PHACTR2: variants seen among roughly 807,000 people sequenced by gnomAD.
The protein encoded by PHACTR2 is phosphatase and actin regulator 2.
A neutral mutation model predicts 76.0 loss-of-function variants in PHACTR2; 30 were observed. That is an observed-to-expected ratio of 0.39 (90% CI 0.30 to 0.54). PHACTR2 has a LOEUF of 0.54. PHACTR2 is among the 20% of genes least tolerant of loss of function. The pLI, the probability that PHACTR2 is intolerant of heterozygous loss-of-function variation, is 0.61. For synonymous variants in PHACTR2, 292 were observed against 292.5 expected, an observed-to-expected ratio of 1.00 and a Z score of 0.02; for missense variants, 696 against 781.1, an observed-to-expected ratio of 0.89 and a Z score of 1.30.
In PHACTR2 at chr6:143,548,492, A is replaced by G. The variant is rs985987206; in HGVS notation, c.217+11285A>G. Among the ~76,000 whole-genome samples, 2 of 151,904 alleles carry G rather than the reference A, an allele frequency of 1.3e-5. No individual in the cohort carries two copies. The highest frequency in any genetic ancestry group is 2.1e-4 in the South Asian group (1 of 4,816). On this transcript the variant is annotated intron_variant, in intron 1 of 11. Transcript: ENST00000367584. The surrounding 1 kb of genome is among the most constrained non-coding windows in gnomAD (Gnocchi z 4.5). The stretch of plus-strand genomic sequence containing the variant: ...TTCTCCTCAGATTTCCCCTATTTAC[A>G]TGTCTTCTGTTAAAGCTAGCAGAGA...
rs1778188405 is a variant in PHACTR2 at position 143,712,056 on chromosome 6, C to G, written c.87C>G (p.Gly29=). 1.9e-6 allele frequency: 3 copies of G among 1,596,208 alleles called. No individual in the cohort carries two copies. ...LDKASIANSD[G]PTAGSQTPPF... is the part of the protein sequence containing the mutation. ...AAGCTTCTATAGCAAACTCAGATGGCCCCACAGCAGGTTCCCAAACACCTC... is the reference window on the plus strand; with the variant it reads ...AAGCTTCTATAGCAAACTCAGATGGGCCCACAGCAGGTTCCCAAACACCTC... Residue 29 remains glycine, a synonymous_variant, in exon 2 of 13, where the codon GGC becomes GGG. Coordinates refer to ENST00000440869, the MANE Select transcript of PHACTR2 (RefSeq NM_001100164.2).
Position 143,623,455 on chromosome 6 carries a change from G to T in PHACTR2, c.13+15133G>T, listed in dbSNP as rs1776197009. Among the ~76,000 whole-genome samples the T allele has an allele frequency of 6.6e-6, 1 of 152,084 alleles. No homozygotes were observed. Among genetic ancestry groups the T allele is most frequent in the African/African-American group, 2.4e-5 (1 of 41,402 alleles). On this transcript the variant is annotated intron_variant, in intron 1 of 11. Transcript: ENST00000305766. This position sits in a 1 kb window ranked among gnomAD's most constrained non-coding sequence, Gnocchi z 5.9. ...CCGGGCATGGTGGTGCATGCCTGTAGTCCCAGCTACGTGGGAGGCTGAGGC... is the reference window on the plus strand; with the variant it reads ...CCGGGCATGGTGGTGCATGCCTGTATTCCCAGCTACGTGGGAGGCTGAGGC...
In PHACTR2 at chr6:143,822,445, G is replaced by T. The variant is rs1044012462; in HGVS notation, c.1923-1229G>T. ...TGTGGAAGGCAAAGGTGGGCAAATCGCTTGAGACCAGGAGTTCAAGACCAG... is the reference window on the plus strand; with the variant it reads ...TGTGGAAGGCAAAGGTGGGCAAATCTCTTGAGACCAGGAGTTCAAGACCAG... On this transcript the variant is annotated intron_variant, in intron 12 of 12. Coordinates refer to ENST00000440869, the MANE Select transcript of PHACTR2 (RefSeq NM_001100164.2). The surrounding 1 kb of genome is among the most constrained non-coding windows in gnomAD (Gnocchi z 5.5). Among the ~76,000 whole-genome samples, 1 of 152,114 alleles carries T rather than the reference G, an allele frequency of 6.6e-6. No homozygotes were observed. The highest frequency in any genetic ancestry group is 2.4e-5 in the African/African-American group (1 of 41,434).
rs949432600 is a variant in PHACTR2, at chr6:143,664,664, A to C, written c.14-47352A>C. Reference sequence around the variant, plus strand: ...TCAGGACTTTAACATACATGTTAAAACTTCACTACTTCCTCATTTGCAGAG... The same window carrying C: ...TCAGGACTTTAACATACATGTTAAACCTTCACTACTTCCTCATTTGCAGAG... On this transcript the variant is annotated intron_variant, in intron 1 of 11. Coordinates refer to the PHACTR2 transcript ENST00000305766. The surrounding 1 kb of genome is among the most constrained non-coding windows in gnomAD (Gnocchi z 5.1). Among the ~76,000 whole-genome samples, 2 of 152,178 alleles carry C rather than the reference A, an allele frequency of 1.3e-5. No homozygotes were observed. The highest frequency in any genetic ancestry group is 2.9e-5 in the Non-Finnish European group (2 of 68,018).
chr6:143,680,091 TCCGTTAGAGCTAC>T lies in PHACTR2; in HGVS notation c.46+1885_46+1897del, dbSNP rs1777355095. ...TCTCGTGGTATCCAGTGTCTCTAAATCCGTTAGAGCTACCCTGTTTCCCTGAAGGTTTGCCATC... is the reference window on the plus strand; with the variant it reads ...TCTCGTGGTATCCAGTGTCTCTAAATCCTGTTTCCCTGAAGGTTTGCCATC... On this transcript the variant is annotated intron_variant, in intron 1 of 12. Coordinates refer to ENST00000440869, the MANE Select transcript of PHACTR2 (RefSeq NM_001100164.2). The surrounding 1 kb of genome is among the most constrained non-coding windows in gnomAD (Gnocchi z 4.5). Among the ~76,000 whole-genome samples, 1 of 151,852 alleles carries T rather than the reference TCCGTTAGAGCTAC, an allele frequency of 6.6e-6. No individual in the cohort carries two copies. Among genetic ancestry groups the T allele is most frequent in the South Asian group, 2.1e-4 (1 of 4,830 alleles).
chr6:143,781,663 T>G (rs1367606219), intron 9 of PHACTR2, among the ~76,000 whole-genome samples: 1 of 152,240 alleles, frequency 6.6e-6, no homozygotes, highest in Non-Finnish European at 1.5e-5. Flanking sequence ...TTGTTTATTA[T>G]GTATTTTGAC....
Position 143,547,354 on chromosome 6 carries a change from G to C in PHACTR2, c.217+10147G>C, listed in dbSNP as rs75003552. On this transcript the variant is annotated intron_variant, in intron 1 of 11. Coordinates refer to the PHACTR2 transcript ENST00000367584. The surrounding 1 kb of genome is among the most constrained non-coding windows in gnomAD (Gnocchi z 4.2). ...GGCAGTAACAGTGGCCACATAGTAGGAATACATTTATTGTCTCCCAGCATG... is the reference window on the plus strand; with the variant it reads ...GGCAGTAACAGTGGCCACATAGTAGCAATACATTTATTGTCTCCCAGCATG... 0.081 allele frequency among the ~76,000 whole-genome samples: 12,262 copies of C among 152,262 alleles called. 681 individuals carry two copies. Among genetic ancestry groups the C allele is most frequent in the Non-Finnish European group, 0.12 (8,262 of 68,010 alleles).
chr6:143,794,218 T>A lies in PHACTR2; in HGVS notation c.1845+5308T>A, dbSNP rs62427431. Among the ~76,000 whole-genome samples, 44,099 of 151,458 alleles carry A rather than the reference T, an allele frequency of 0.29. 6,398 individuals carry two copies. The highest frequency in any genetic ancestry group is 0.34 in the Admixed American group (5,223 of 15,230). Reference sequence around the variant, plus strand: ...TGCCCAAAGATCCTAAGACTATCAATGGTCTTAGTGTATATTTTATTTTAG... The same window carrying A: ...TGCCCAAAGATCCTAAGACTATCAAAGGTCTTAGTGTATATTTTATTTTAG... On this transcript the variant is annotated intron_variant, in intron 11 of 12. Transcript: ENST00000440869. The surrounding 1 kb of genome is among the most constrained non-coding windows in gnomAD (Gnocchi z 4.1).
rs562412933 is a variant in PHACTR2 at position 143,616,296 on chromosome 6, G to A, written c.13+7974G>A. 6.6e-6 allele frequency among the ~76,000 whole-genome samples: 1 copy of A among 152,120 alleles called. No homozygotes were observed. Among genetic ancestry groups the A allele is most frequent in the Non-Finnish European group, 1.5e-5 (1 of 68,024 alleles). On this transcript the variant is annotated intron_variant, in intron 1 of 11. Transcript: ENST00000305766. The surrounding 1 kb of genome is among the most constrained non-coding windows in gnomAD (Gnocchi z 4.9). ...AATCATAATTTCCTTTCTTAGACCT[G>A]AATCATTCAGTCCTGGCACAGCATT...
intron 6 of PHACTR2, among the ~76,000 whole-genome samples, chr6:143,769,139 G>A (rs1775033101): frequency 6.6e-6 from 1 of 152,170 alleles, no homozygotes. Flanking sequence ...AAGTGGCTAT[G>A]TATAAAAATA....
At position 143,633,453 on chromosome 6, in the gene PHACTR2, G is replaced by A. The variant is rs544983753; in HGVS notation, c.13+25131G>A. 3.3e-5 allele frequency among the ~76,000 whole-genome samples: 5 copies of A among 152,266 alleles called. No homozygotes were observed. The highest frequency in any genetic ancestry group is 1.2e-4 in the African/African-American group (5 of 41,560). On this transcript the variant is annotated intron_variant, in intron 1 of 11. Coordinates refer to the PHACTR2 transcript ENST00000305766. This position sits in a 1 kb window ranked among gnomAD's most constrained non-coding sequence, Gnocchi z 4.1. Reference sequence around the variant, plus strand: ...TTTTTAGTGAGGACCTCTTTAGAGAGACCTTCTGTTCAGGTCTTTTGTCCA... The same window carrying A: ...TTTTTAGTGAGGACCTCTTTAGAGAAACCTTCTGTTCAGGTCTTTTGTCCA...
In PHACTR2 at chr6:143,775,522, A is replaced by G. The variant is rs1021333745; in HGVS notation, c.1589+1307A>G. Among the ~76,000 whole-genome samples the G allele has an allele frequency of 3.9e-5, 6 of 152,146 alleles. No homozygotes were observed. The highest frequency in any genetic ancestry group is 8.8e-5 in the Non-Finnish European group (6 of 68,004). ...TCTGAGGCCCAGAGAGATTAAGGAA[A>G]TGTCTCAAGGACAGACATGCAGTTA... On this transcript the variant is annotated intron_variant, in intron 8 of 12. Transcript: ENST00000440869. The surrounding 1 kb of genome is among the most constrained non-coding windows in gnomAD (Gnocchi z 4.4).
chr6:143,780,366 C>G lies in PHACTR2; in HGVS notation c.1646-2853C>G, dbSNP rs758288999. 1.3e-5 allele frequency among the ~76,000 whole-genome samples: 2 copies of G among 151,976 alleles called. No homozygotes were observed. Among genetic ancestry groups the G allele is most frequent in the East Asian group, 3.9e-4 (2 of 5,184 alleles). ...GTGGCTTATGCCTGTAATCCCAAAG[C>G]CTTGTGAGGCCAAGGCAGGAGAATT... On this transcript the variant is annotated intron_variant, in intron 9 of 12. Coordinates refer to ENST00000440869, the MANE Select transcript of PHACTR2 (RefSeq NM_001100164.2). The surrounding 1 kb of genome is among the most constrained non-coding windows in gnomAD (Gnocchi z 4.4).
chr6:143,763,409 T>G (rs1408405164), intron 5 of PHACTR2, among the ~76,000 whole-genome samples: 1 of 152,184 alleles, frequency 6.6e-6, no homozygotes, highest in African/African-American at 2.4e-5. Context: ...AGAATTGTTA[T>G]GTGGAAAGGA....
chr6:143,802,157 G>A (rs1001971019), intron 11 of PHACTR2, among the ~76,000 whole-genome samples: 1 of 152,078 alleles, frequency 6.6e-6, no homozygotes, highest in South Asian at 2.1e-4. Flanking sequence ...TAATTCTCAT[G>A]ATGCCAAAAT....
intron 1 of PHACTR2, among the ~76,000 whole-genome samples, chr6:143,582,093 G>C (rs1775581619): frequency 1.3e-5 from 2 of 152,124 alleles, no homozygotes; most frequent in Non-Finnish European, 2.9e-5. Context: ...CCCTCACATA[G>C]ATTTGGCACT....
intron 1 of PHACTR2, among the ~76,000 whole-genome samples, chr6:143,691,107 A>G (rs1447037932): frequency 6.6e-6 from 1 of 152,226 alleles, no homozygotes; most frequent in African/African-American, 2.4e-5. Context: ...TGTGTTCTCA[A>G]CAAACATTCC....
Position 143,648,409 on chromosome 6 carries a change from G to A in PHACTR2, c.13+40087G>A, listed in dbSNP as rs1235339462. 5.3e-5 allele frequency among the ~76,000 whole-genome samples: 8 copies of A among 152,158 alleles called. No homozygotes were observed. The highest frequency in any genetic ancestry group is 1.9e-4 in the African/African-American group (8 of 41,436). The stretch of plus-strand genomic sequence containing the variant: ...AAAGAATTAAATTCAAAGGGCAAAG[G>A]GGTAGAAAATGGATCTGACTGTCTC... On this transcript the variant is annotated intron_variant, in intron 1 of 11. Transcript: ENST00000305766. This position sits in a 1 kb window ranked among gnomAD's most constrained non-coding sequence, Gnocchi z 6.7.
At position 143,652,408 on chromosome 6, in the gene PHACTR2, G is replaced by A. The variant is rs971621546; in HGVS notation, c.13+44086G>A. Reference sequence around the variant, plus strand: ...TGCGCTGCTGTTTGTTTGTTTGTTTGTTTGTTTGTTTTTCCCTGTATCTGC... The same window carrying A: ...TGCGCTGCTGTTTGTTTGTTTGTTTATTTGTTTGTTTTTCCCTGTATCTGC... On this transcript the variant is annotated intron_variant, in intron 1 of 11. Coordinates refer to the PHACTR2 transcript ENST00000305766. This position sits in a 1 kb window ranked among gnomAD's most constrained non-coding sequence, Gnocchi z 4.5. Among the ~76,000 whole-genome samples the A allele has an allele frequency of 1.3e-5, 2 of 152,142 alleles. No individual in the cohort carries two copies. Among genetic ancestry groups the A allele is most frequent in the Non-Finnish European group, 2.9e-5 (2 of 68,028 alleles).
Sources: gnomAD v4.1 joint callset for allele counts (sites outside exome capture counted in the v4.1 genomes callset) on GRCh38, gnomAD v4.1.1 for gene constraint, Gnocchi (gnomAD v3.1) non-coding constraint, MANE v1.5 for transcripts, NCBI Gene and HGNC (gene_info 2026-07-23, HGNC 2026-07-21) for gene names.